The following DLG1 variants were observed in gnomAD, a reference collection of about 807,000 sequenced individuals.
The protein encoded by DLG1 is discs large MAGUK scaffold protein 1, also known as disks large homolog 1.
In DLG1, 42 loss-of-function variants were observed where a neutral mutation model predicts 123.4. That is an observed-to-expected ratio of 0.34 (90% CI 0.27 to 0.44). DLG1 has a LOEUF of 0.44. DLG1 is among the 20% of genes least tolerant of loss of function. DLG1 has a pLI of 1.00. For missense variants in DLG1, 942 were observed against 1,082.6 expected, an observed-to-expected ratio of 0.87 and a Z score of 1.82; for synonymous variants, 317 against 356.2, an observed-to-expected ratio of 0.89 and a Z score of 1.24.
chr3:197,204,473 T>A (rs1727506874), intron 4 of DLG1, among the ~76,000 whole-genome samples: 1 of 152,228 alleles, frequency 6.6e-6, no homozygotes, highest in South Asian at 2.1e-4. Context: ...TTTTCCCTCA[T>A]CCATCAGTGT....
intron 3 of DLG1, among the ~76,000 whole-genome samples, chr3:197,283,859 GTTTTT>G (rs36055840): frequency 5.7e-5 from 6 of 104,898 alleles, no homozygotes; most frequent in Non-Finnish European, 7.8e-5. Flanking sequence ...CAGTTGGGTT[GTTTTT>G]TTTTTTTTTT....
At chr3:197,139,825 T>C (rs1453315899) in intron 8 of DLG1, among the ~76,000 whole-genome samples, 4 of 152,222 alleles carry the variant, frequency 2.6e-5, no homozygotes, top group African/African-American at 9.6e-5. Context: ...ATGGAAAATA[T>C]TCTGTGAGTG....
At position 197,227,271 on chromosome 3, in the gene DLG1, G is replaced by A. The variant is rs539091997; in HGVS notation, c.319-32682C>T. On this transcript the variant is annotated intron_variant, in intron 4 of 24. Transcript: ENST00000667157. The stretch of plus-strand genomic sequence containing the variant: ...TGGATCATCTGAGGGTCAGGAGTTC[G>A]AGACCAGCCTGGCCAACATGGTGAA... 5.9e-5 allele frequency among the ~76,000 whole-genome samples: 9 copies of A among 152,120 alleles called. No individual in the cohort carries two copies. In the South Asian group the frequency reaches 1.9e-3, roughly 32 times the overall value.
chr3:197,222,152 G>T (rs1323703009), intron 4 of DLG1, among the ~76,000 whole-genome samples: 1 of 152,146 alleles, frequency 6.6e-6, no homozygotes, highest in Admixed American at 6.5e-5. Context: ...CCATGGATAC[G>T]AACAGCTGAC....
At chr3:197,076,807 T>C in intron 17 of DLG1, 122 bp from the exon 18 acceptor site, 4 of 495,858 alleles carry the variant, frequency 8.1e-6, no homozygotes, top group Non-Finnish European at 1.4e-5. Context: ...GTATATGATT[T>C]TTACTTTAAT....
Position 197,104,975 on chromosome 3 carries a change from G to T in DLG1, c.1474C>A (p.His492Asn). The T allele has an allele frequency of 6.2e-7, 1 of 1,612,862 alleles. No individual in the cohort carries two copies. The highest frequency in any genetic ancestry group is 1.1e-5 in the South Asian group (1 of 90,826). ...VNSVDLRAAS[H>N]EQAAAALKNA... The stretch of plus-strand genomic sequence containing the variant: ...TTCAATGCAGCTGCTGCCTGCTCAT[G>T]ACTAGCAGCTCTGAGGTCAACACTG... Residue 492 changes from histidine (H) to asparagine (N), a missense_variant, in exon 14 of 25, where the codon CAT (histidine) becomes AAT (asparagine). Physicochemically the swap from His to Asn is moderately conservative, Grantham distance 68. Coordinates refer to ENST00000667157, the MANE Select transcript of DLG1 (RefSeq NM_001366207.1).
At position 197,248,378 on chromosome 3, in the gene DLG1, GCCA is replaced by G. The variant is rs1401318276; in HGVS notation, c.318+34298_318+34300del. ...TGGGTCTCAATCTCTTACCCCTGAG[GCCA>G]CCACAATGAGGCAGTGGGACACGTC... is the stretch of plus-strand genomic sequence containing the variant. On this transcript the variant is annotated intron_variant, in intron 4 of 24. Transcript: ENST00000667157. 6.6e-5 allele frequency among the ~76,000 whole-genome samples: 10 copies of G among 152,170 alleles called. 1 individual carries two copies. Among genetic ancestry groups the G allele is most frequent in the African/African-American group, 2.4e-4 (10 of 41,526 alleles).
Position 197,216,594 on chromosome 3 carries a change from A to G in DLG1, c.319-22005T>C, listed in dbSNP as rs1186787387. On this transcript the variant is annotated intron_variant, in intron 4 of 24. Coordinates refer to ENST00000667157, the MANE Select transcript of DLG1 (RefSeq NM_001366207.1). ...CATGAAAGACTGTTAGAGACTCAGG[A>G]CCCAGGGTTTTCACTGTGGGCTGGT... Among the ~76,000 whole-genome samples the G allele has an allele frequency of 2.0e-5, 3 of 152,176 alleles. No individual in the cohort carries two copies. The East Asian group carries it at 5.8e-4, about 29-fold the overall frequency.
At chr3:197,113,726 A>G (rs1455023583) in intron 13 of DLG1, among the ~76,000 whole-genome samples, 1 of 152,192 alleles carries the variant, frequency 6.6e-6, no homozygotes, top group Non-Finnish European at 1.5e-5. Context: ...AGCTTTTAAG[A>G]TTAGATAAAG....
rs1250016896 is a variant in DLG1 at position 197,044,544 on chromosome 3, G to C, written c.*79C>G. ...AATTCAACATGAAATCAGTACTCAA[G>C]AAAGACTCCAGAGGAAAGGGCAAAG... is the stretch of plus-strand genomic sequence containing the variant. On this transcript the variant is annotated 3_prime_UTR_variant, in exon 25 of 25. Transcript: ENST00000667157. The C allele has an allele frequency of 6.4e-6, 6 of 934,778 alleles. No homozygotes were observed. The East Asian group carries it at 7.5e-5, about 12-fold the overall frequency. 57.9% of individuals were successfully genotyped at this position (934,778 alleles called of 1,614,324 possible).
At chr3:197,154,088 G>A (rs911198672) in intron 5 of DLG1, among the ~76,000 whole-genome samples, 1 of 151,266 alleles carries the variant, frequency 6.6e-6, no homozygotes, top group Admixed American at 6.6e-5. Flanking sequence ...AGATCACAAG[G>A]TCAGGAGTTT....
chr3:197,273,132 G>A (rs1444000046), intron 4 of DLG1, among the ~76,000 whole-genome samples: 3 of 151,444 alleles, frequency 2.0e-5, no homozygotes, highest in Non-Finnish European at 4.4e-5. Context: ...CAGTATTTCA[G>A]TAAATTTTTT....
At chr3:197,110,396 T>A (rs546308430) in intron 13 of DLG1, among the ~76,000 whole-genome samples, 3 of 152,212 alleles carry the variant, frequency 2.0e-5, no homozygotes, top group Non-Finnish European at 4.4e-5. Flanking sequence ...TGAGATATTG[T>A]TCCTTTACTT....
chr3:197,192,247 A>C (rs952245316), intron 5 of DLG1, among the ~76,000 whole-genome samples: 2 of 152,184 alleles, frequency 1.3e-5, no homozygotes, highest in Admixed American at 6.5e-5. Flanking sequence ...CTTCTAAGTA[A>C]CTCACGAGGC....
At chr3:197,215,482 T>A (rs994500051) in intron 4 of DLG1, among the ~76,000 whole-genome samples, 1 of 152,096 alleles carries the variant, frequency 6.6e-6, no homozygotes, top group Non-Finnish European at 1.5e-5. Flanking sequence ...TATGTAAGGA[T>A]AGTCAAAACA....
intron 13 of DLG1, among the ~76,000 whole-genome samples, chr3:197,110,870 A>C (rs1035707750): frequency 1.3e-5 from 2 of 152,218 alleles, no homozygotes; most frequent in African/African-American, 4.8e-5. Context: ...AGCAATTAAC[A>C]ACTGCCTTAA....
At chr3:197,278,878 A>T (rs1172060220) in intron 4 of DLG1, among the ~76,000 whole-genome samples, 1 of 152,222 alleles carries the variant, frequency 6.6e-6, no homozygotes, top group Non-Finnish European at 1.5e-5. Flanking sequence ...GTCCTGCAAA[A>T]GCAAACATGA....
intron 5 of DLG1, among the ~76,000 whole-genome samples, chr3:197,166,483 A>G (rs960952168): frequency 1.3e-5 from 2 of 152,254 alleles, no homozygotes; most frequent in Non-Finnish European, 2.9e-5. Context: ...GTGTGTGTAT[A>G]TATGTGCATA....
intron 12 of DLG1, 88 bp from the exon 13 acceptor site, chr3:197,116,171 T>C: frequency 9.6e-7 from 1 of 1,044,384 alleles, no homozygotes; most frequent in Non-Finnish European, 1.4e-6. Flanking sequence ...ATAATTTTTA[T>C]GTTATCAAAC....
Sources: gnomAD v4.1 joint callset for allele counts (sites outside exome capture counted in the v4.1 genomes callset) on GRCh38, gnomAD v4.1.1 for gene constraint, MANE v1.5 for transcripts, NCBI Gene and HGNC (gene_info 2026-07-23, HGNC 2026-07-21) for gene names.